The following RIN2 variants were observed in gnomAD, a reference collection of about 807,000 sequenced individuals.
RIN2 encodes Ras and Rab interactor 2.
In RIN2, 36 loss-of-function variants were observed where a neutral mutation model predicts 78.0. The ratio of observed to expected loss-of-function variants is 0.46; its 90% CI spans 0.35 to 0.61. RIN2 has a LOEUF of 0.61. RIN2 is among the 20% of genes least tolerant of loss of function. The probability of loss-of-function intolerance (pLI) is 0.00; values close to 1 mark genes in which losing one functional copy is unlikely to be tolerated. For synonymous variants in RIN2, 466 were observed against 466.8 expected, an observed-to-expected ratio of 1.00 and a Z score of 0.02; for missense variants, 1,087 against 1,159.7, an observed-to-expected ratio of 0.94 and a Z score of 0.91.
intron 2 of RIN2, among the ~76,000 whole-genome samples, chr20:19,851,901 G>T (rs749803889): frequency 6.6e-6 from 1 of 152,102 alleles, no homozygotes; most frequent in Admixed American, 6.6e-5. Context: ...TCACACTTAC[G>T]TATGCAGGCT....
intron 2 of RIN2, among the ~76,000 whole-genome samples, chr20:19,858,756 T>G (rs962268636): frequency 6.6e-6 from 1 of 152,200 alleles, no homozygotes; most frequent in African/African-American, 2.4e-5. Flanking sequence ...CCTTACTTAC[T>G]AAAGATGTCA....
chr20:19,915,783 A>C (rs1398007617), intron 3 of RIN2, among the ~76,000 whole-genome samples: 1 of 152,110 alleles, frequency 6.6e-6, no homozygotes, highest in Admixed American at 6.5e-5. Flanking sequence ...AACCAACTCT[A>C]TGTGCTCAGA....
At chr20:19,765,641 C>T (rs2033853094) in intron 1 of RIN2, among the ~76,000 whole-genome samples, 1 of 152,204 alleles carries the variant, frequency 6.6e-6, no homozygotes, top group African/African-American at 2.4e-5. Flanking sequence ...AACTGGAAGA[C>T]CCCTAATTCA....
intron 2 of RIN2, among the ~76,000 whole-genome samples, chr20:19,887,055 T>C (rs1171022865): frequency 6.6e-6 from 1 of 151,750 alleles, no homozygotes; most frequent in Non-Finnish European, 1.5e-5. Flanking sequence ...AGACAGAGTG[T>C]TACTCTGTCG....
chr20:19,800,221 G>A (rs1435535788), intron 2 of RIN2, among the ~76,000 whole-genome samples: 2 of 152,088 alleles, frequency 1.3e-5, no homozygotes, highest in African/African-American at 4.8e-5. Context: ...CTTGCTTCCT[G>A]TTCTCCACTT....
chr20:19,877,941 G>C (rs534144567), intron 2 of RIN2, among the ~76,000 whole-genome samples: 1 of 152,254 alleles, frequency 6.6e-6, no homozygotes, highest in South Asian at 2.1e-4. Flanking sequence ...TATCACTTGA[G>C]CCTGGGAGGT....
rs775239436 is a variant in RIN2 at position 19,975,293 on chromosome 20, A to G, written c.1268A>G (p.His423Arg). 1.9e-6 allele frequency: 3 copies of G among 1,603,556 alleles called. No homozygotes were observed. The highest frequency in any genetic ancestry group is 1.1e-5 in the South Asian group (1 of 89,506). ...AGCTCTGAATCACGGCCCCCGTGCCATGGAGGCCGGCAGCGGCTGAGCGAC... is the reference window on the plus strand; with the variant it reads ...AGCTCTGAATCACGGCCCCCGTGCCGTGGAGGCCGGCAGCGGCTGAGCGAC... ...PPSSESRPPC[H>R]GGRQRLSDMS... The change falls in exon 9 of 13, where the codon CAT becomes CGT. Residue 423 changes from histidine (H) to arginine (R), a missense_variant. By Grantham distance (29) the His-to-Arg change is conservative. This residue lies in a region of RIN2 where 706 missense variants were observed against 667.5 expected (regional missense o/e 1.06). Coordinates refer to ENST00000255006, the MANE Select transcript of RIN2 (RefSeq NM_018993.4). The surrounding 1 kb of genome is among the most constrained non-coding windows in gnomAD (Gnocchi z 4.9).
intron 3 of RIN2, among the ~76,000 whole-genome samples, chr20:19,921,991 G>A (rs187894350): frequency 6.6e-6 from 1 of 152,282 alleles, no homozygotes; most frequent in African/African-American, 2.4e-5. Context: ...TCAGCCTCCA[G>A]AACAGCTGAG....
In RIN2 at chr20:19,929,896, C is replaced by A. The variant is rs575855598; in HGVS notation, c.58-5203C>A. Among the ~76,000 whole-genome samples, 8 of 152,288 alleles carry A rather than the reference C, an allele frequency of 5.3e-5. No homozygotes were observed. In the East Asian group the frequency reaches 1.5e-3, roughly 29 times the overall value. On this transcript the variant is annotated intron_variant, in intron 3 of 12. Transcript: ENST00000255006. ...TCCCTTCAGTGGGACAAAATCCAACCGTCAGAGGGGAGGAAGTGTTTTGTG... is the reference window on the plus strand; with the variant it reads ...TCCCTTCAGTGGGACAAAATCCAACAGTCAGAGGGGAGGAAGTGTTTTGTG...
chr20:19,910,955 G>A (rs1465370034), intron 3 of RIN2, among the ~76,000 whole-genome samples: 1 of 152,096 alleles, frequency 6.6e-6, no homozygotes, highest in Non-Finnish European at 1.5e-5. Flanking sequence ...CATTACCTTG[G>A]TTCCATATGC....
At chr20:19,826,766 TG>T (rs964214189) in intron 2 of RIN2, among the ~76,000 whole-genome samples, 2 of 152,172 alleles carry the variant, frequency 1.3e-5, no homozygotes, top group Non-Finnish European at 2.9e-5. Context: ...TCCTGTTTGG[TG>T]GCAATCCATC....
At position 19,989,947 on chromosome 20, in the gene RIN2, G is replaced by C. The variant is rs577671657; in HGVS notation, c.1763-59G>C. The C allele has an allele frequency of 5.1e-5, 73 of 1,437,740 alleles. No homozygotes were observed. In the African/African-American group the frequency reaches 8.4e-4, roughly 17 times the overall value. 89.1% of individuals were successfully genotyped at this position (1,437,740 alleles called of 1,614,324 possible). On this transcript the variant is annotated intron_variant, in intron 9 of 12. Transcript: ENST00000255006. ...TGCAGATGTCCATTGTAAGAAAGCA[G>C]ATGTTGCATTTCTTCTTTCTTCAGA...
chr20:19,962,755 G>A (rs1288547919), intron 6 of RIN2, among the ~76,000 whole-genome samples: 6 of 152,050 alleles, frequency 3.9e-5, no homozygotes, highest in Admixed American at 1.3e-4. Flanking sequence ...CTAGGGGTTC[G>A]AGACCAGCCT....
chr20:19,760,902 A>G (rs898725545), intron 1 of RIN2, among the ~76,000 whole-genome samples: 1 of 152,132 alleles, frequency 6.6e-6, no homozygotes, highest in Non-Finnish European at 1.5e-5. Context: ...ATGTGTATGT[A>G]TCTCTTAAAG....
Position 19,851,038 on chromosome 20 carries a change from GA to G in RIN2, c.-36-38526del, listed in dbSNP as rs869179828. Among the ~76,000 whole-genome samples the G allele has an allele frequency of 5.3e-3, 469 of 88,310 alleles. 5 individuals are homozygous for G. The highest frequency in any genetic ancestry group is 9.5e-3 in the Middle Eastern group (2 of 210). 57.9% of individuals were successfully genotyped at this position (88,310 alleles called of 152,430 possible). A position where few individuals can be genotyped will look rare whatever the true frequency, so the allele number is the denominator to read the frequency against. The stretch of plus-strand genomic sequence containing the variant: ...GGAAGGAAGGAAGGAAGGAAGGAAG[GA>G]AGGAAGGAAGGAGAAAGAAAGGAAG... On this transcript the variant is annotated intron_variant, in intron 2 of 12. Transcript: ENST00000255006.
intron 4 of RIN2, among the ~76,000 whole-genome samples, chr20:19,935,937 C>G (rs1417652271): frequency 6.6e-6 from 1 of 152,198 alleles, no homozygotes. Context: ...ACAGCTTCCC[C>G]TTTCTCCCAG....
intron 2 of RIN2, among the ~76,000 whole-genome samples, chr20:19,808,237 A>G (rs2122770560): frequency 6.6e-6 from 1 of 152,334 alleles, no homozygotes; most frequent in East Asian, 1.9e-4. Context: ...CTGTTTGTAT[A>G]AATTCACAGG....
chr20:19,975,335 C>T lies in RIN2; in HGVS notation c.1310C>T (p.Ser437Phe). ...CTGAGCGACATGAGCATTTCTACTT[C>T]CTCCTCCGACTCGCTGGAGTTCGAC... ...QRLSDMSIST[S>F]SSDSLEFDRS... The change falls in exon 9 of 13, where the codon TCC becomes TTC. Residue 437 changes from serine (S) to phenylalanine (F), a missense_variant. Physicochemically the swap from Ser to Phe is radical, Grantham distance 155. Transcript: ENST00000255006. This position sits in a 1 kb window ranked among gnomAD's most constrained non-coding sequence, Gnocchi z 4.9. 1.9e-6 allele frequency: 3 copies of T among 1,611,962 alleles called. No individual in the cohort carries two copies. The highest frequency in any genetic ancestry group is 2.5e-6 in the Non-Finnish European group (3 of 1,179,026).
intron 4 of RIN2, among the ~76,000 whole-genome samples, chr20:19,953,270 T>C (rs757941396): frequency 2.6e-5 from 4 of 152,070 alleles, no homozygotes; most frequent in Non-Finnish European, 5.9e-5. Context: ...TAGCTGGGAC[T>C]ACAGGTGTGT....
Sources: gnomAD v4.1 joint callset for allele counts (sites outside exome capture counted in the v4.1 genomes callset) on GRCh38, gnomAD v4.1.1 for gene constraint, gnomAD v4.1.1 regional missense constraint, Gnocchi (gnomAD v3.1) non-coding constraint, MANE v1.5 for transcripts, NCBI Gene and HGNC (gene_info 2026-07-23, HGNC 2026-07-21) for gene names.